Variants in PGM5 observed in about 807,000 individuals in gnomAD.
PGM5 encodes phosphoglucomutase 5, also known as phosphoglucomutase-like protein 5.
A neutral mutation model predicts 59.2 loss-of-function variants in PGM5; 23 were observed. The observed-to-expected ratio is 0.39, with a 90% CI of 0.28 to 0.55. PGM5 has a LOEUF of 0.55. Ranked by LOEUF, PGM5 falls within the 20% of genes least tolerant of loss-of-function variation. PGM5 has a pLI of 0.66. For synonymous variants in PGM5, 214 were observed against 286.0 expected (o/e 0.75, Z 2.54); for missense variants, 574 against 748.3 (o/e 0.77, Z 2.72).
At chr9:68,482,979 G>A (rs543439306) in intron 8 of PGM5, among the ~76,000 whole-genome samples, 54 of 152,104 alleles carry the variant, frequency 3.6e-4, no homozygotes, top group Non-Finnish European at 6.0e-4. Context: ...GGACTTTTTT[G>A]AATGGAACAA....
intron 6 of PGM5, among the ~76,000 whole-genome samples, chr9:68,463,149 G>T (rs1327554045): frequency 6.6e-6 from 1 of 151,352 alleles, no homozygotes; most frequent in African/African-American, 2.4e-5. Flanking sequence ...GAAAAGGGAG[G>T]TGTTCACCTT....
intron 10 of PGM5, among the ~76,000 whole-genome samples, chr9:68,515,098 G>T (rs559493495): frequency 6.6e-6 from 1 of 152,328 alleles, no homozygotes; most frequent in South Asian, 2.1e-4. Context: ...TGGGTAGACA[G>T]TCTAGCACAC....
intron 4 of PGM5, among the ~76,000 whole-genome samples, chr9:68,388,590 A>G (rs1310610734): frequency 6.6e-6 from 1 of 151,902 alleles, no homozygotes; most frequent in Non-Finnish European, 1.5e-5. Flanking sequence ...TTCTCCAGGA[A>G]CTCAGTGAGA....
Position 68,530,974 on chromosome 9 carries a change from T to C in PGM5, c.*1318T>C, listed in dbSNP as rs1487652243. 6.6e-6 allele frequency: 1 copy of C among 152,242 alleles called. No individual in the cohort carries two copies. The highest frequency in any genetic ancestry group is 1.5e-5 in the Non-Finnish European group (1 of 68,044). The allele number at this position is 152,242 out of a possible 1,614,324, so 9.4% of individuals were successfully genotyped here. A position where few individuals can be genotyped will look rare whatever the true frequency, so the allele number is the denominator to read the frequency against. On this transcript the variant is annotated 3_prime_UTR_variant, in exon 11 of 11. Transcript: ENST00000396396. ...CAAGGAAACATTCCCAGTAAGGTAT[T>C]TGTTTCCATTTTCTGTCTGTGCTTC...
At chr9:68,510,653 C>T (rs951496089) in intron 10 of PGM5, among the ~76,000 whole-genome samples, 1 of 152,068 alleles carries the variant, frequency 6.6e-6, no homozygotes, top group African/African-American at 2.4e-5. Flanking sequence ...GAGTCTCAAT[C>T]GTTTTAGAGG....
At chr9:68,435,858 C>G (rs1823434328) in intron 6 of PGM5, among the ~76,000 whole-genome samples, 1 of 152,168 alleles carries the variant, frequency 6.6e-6, no homozygotes, top group Admixed American at 6.5e-5. Flanking sequence ...TCCATAAGAA[C>G]AGGGACCACA....
At chr9:68,523,414 C>T (rs1470659307) in intron 10 of PGM5, among the ~76,000 whole-genome samples, 1 of 152,166 alleles carries the variant, frequency 6.6e-6, no homozygotes, top group African/African-American at 2.4e-5. Context: ...TCCACTTTAA[C>T]AGACCCACCA....
At chr9:68,382,413 G>C (rs868942702) in intron 2 of PGM5, among the ~76,000 whole-genome samples, 3 of 151,704 alleles carry the variant, frequency 2.0e-5, no homozygotes, top group Admixed American at 6.6e-5. Flanking sequence ...AATCCTAGAA[G>C]AGAACATAGG....
chr9:68,450,111 A>T (rs1204540706), intron 6 of PGM5, among the ~76,000 whole-genome samples: 1 of 152,202 alleles, frequency 6.6e-6, no homozygotes, highest in Non-Finnish European at 1.5e-5. Context: ...ACACTGTATG[A>T]TACATGAATC....
chr9:68,386,398 A>G (rs263792), intron 3 of PGM5, among the ~76,000 whole-genome samples: 2,313 of 152,278 alleles, frequency 0.015, 14 homozygotes, highest in African/African-American at 0.052. Flanking sequence ...TTATATTTGA[A>G]TGAACACATA....
chr9:68,464,961 T>C (rs985297807), intron 6 of PGM5, 132 bp from the exon 7 acceptor site: 12 of 548,738 alleles, frequency 2.2e-5, no homozygotes, highest in Non-Finnish European at 3.6e-5. Context: ...TCCTGAAATC[T>C]GTCAACACTA....
intron 9 of PGM5, among the ~76,000 whole-genome samples, chr9:68,495,097 G>A (rs1178657223): frequency 6.6e-6 from 1 of 152,184 alleles, no homozygotes; most frequent in Admixed American, 6.5e-5. Flanking sequence ...TCCTCCCAGA[G>A]CTTGTTAGCT....
chr9:68,428,007 T>C (rs1823266437), intron 6 of PGM5, among the ~76,000 whole-genome samples: 1 of 152,222 alleles, frequency 6.6e-6, no homozygotes, highest in South Asian at 2.1e-4. Flanking sequence ...AGTTAGAATG[T>C]TGTGGCTTTC....
intron 2 of PGM5, among the ~76,000 whole-genome samples, chr9:68,381,835 C>T (rs1554678349): frequency 6.6e-6 from 1 of 151,656 alleles, no homozygotes; most frequent in Non-Finnish European, 1.5e-5. Context: ...ATAAATTTAA[C>T]CAAGGGGTGA....
Position 68,388,369 on chromosome 9 carries a change from G to C in PGM5, c.697+781G>C, listed in dbSNP as rs4744955. ...ACCACTCTTAATCCTCAAGCTCTCC[G>C]CTAGTGTCTAAATCTTCCTTCACTT... On this transcript the variant is annotated intron_variant, in intron 4 of 10. Transcript: ENST00000396396. Among the ~76,000 whole-genome samples the C allele has an allele frequency of 0.03, 4,423 of 145,898 alleles. 382 individuals carry two copies. In the East Asian group the frequency reaches 0.35, roughly 11 times the overall value.
rs1563984754 is a variant in PGM5 at position 68,376,815 on chromosome 9, TTCTTTCTTTCTTTCTTTC to T, written c.262-1352_262-1335del. On this transcript the variant is annotated intron_variant, in intron 1 of 10. Transcript: ENST00000396396. ...TTTCTTTCTTTCTTTCTTTCTTTCT[TTCTTTCTTTCTTTCTTTC>T]TCTTTCTTTCTTTCTTTCTCTTTCT... Among the ~76,000 whole-genome samples, 68 of 103,176 alleles carry T rather than the reference TTCTTTCTTTCTTTCTTTC, an allele frequency of 6.6e-4. 2 individuals are homozygous for T. The highest frequency in any genetic ancestry group is 2.5e-3 in the African/African-American group (58 of 22,992). The allele number at this position is 103,176 out of a possible 152,430, so 67.7% of individuals were successfully genotyped here. A position where few individuals can be genotyped will look rare whatever the true frequency, so the allele number is the denominator to read the frequency against.
intron 6 of PGM5, among the ~76,000 whole-genome samples, chr9:68,452,253 G>C (rs563561603): frequency 6.6e-6 from 1 of 152,156 alleles, no homozygotes; most frequent in South Asian, 2.1e-4. Context: ...CCACCAGCAG[G>C]CTTGCTTGTT....
At chr9:68,394,723 C>T (rs531704768) in intron 6 of PGM5, among the ~76,000 whole-genome samples, 1 of 151,658 alleles carries the variant, frequency 6.6e-6, no homozygotes, top group African/African-American at 2.4e-5. Flanking sequence ...TGGGCTCAAG[C>T]AATCCTCCCA....
chr9:68,386,621 C>A (rs1168817471), intron 3 of PGM5, among the ~76,000 whole-genome samples: 22 of 151,974 alleles, frequency 1.4e-4, no homozygotes, highest in African/African-American at 5.3e-4. Context: ...AATCTGAAAA[C>A]AATATACGTA....
Sources: gnomAD v4.1 joint callset for allele counts (sites outside exome capture counted in the v4.1 genomes callset) on GRCh38, gnomAD v4.1.1 for gene constraint, MANE v1.5 for transcripts, NCBI Gene and HGNC (gene_info 2026-07-23, HGNC 2026-07-21) for gene names.